The following NEO1 variants were observed in gnomAD, a reference collection of about 807,000 sequenced individuals.
NEO1 encodes neogenin.
NEO1 carries 63 observed loss-of-function variants against 159.7 expected under a neutral mutation model. The observed-to-expected ratio is 0.39, with a 90% CI of 0.32 to 0.49. NEO1 has a LOEUF of 0.49. Among genes scored for constraint, NEO1 ranks in the 20% least tolerant of loss-of-function variants. The pLI, the probability that NEO1 is intolerant of heterozygous loss-of-function variation, is 0.85. For synonymous variants in NEO1, 633 were observed against 662.0 expected (o/e 0.96, Z 0.67); for missense variants, 1,615 against 1,831.0 (o/e 0.88, Z 2.15).
intron 14 of NEO1, chr15:73,259,097 A>G: frequency 2.4e-6 from 1 of 424,728 alleles, no homozygotes; most frequent in South Asian, 4.3e-5. Context: ...AGCAAATAAA[A>G]ATGTGTATGT....
intron 5 of NEO1, among the ~76,000 whole-genome samples, chr15:73,166,712 C>G (rs1478614886): frequency 2.0e-5 from 3 of 152,160 alleles, no homozygotes; most frequent in Middle Eastern, 6.3e-3. Context: ...TGGGGATCAG[C>G]AGAAAAGAAT....
At chr15:73,198,984 A>G (rs981285854) in intron 7 of NEO1, among the ~76,000 whole-genome samples, 2 of 150,122 alleles carry the variant, frequency 1.3e-5, no homozygotes, top group Admixed American at 1.3e-4. Context: ...CAAAAGTTCA[A>G]ACTTTATTCA....
chr15:73,103,432 A>G (rs1026975054), intron 1 of NEO1, among the ~76,000 whole-genome samples: 2 of 152,028 alleles, frequency 1.3e-5, no homozygotes, highest in East Asian at 3.9e-4. Context: ...TGTTCCTTTG[A>G]CAGAGTGTCT....
In NEO1 at chr15:73,288,419, A is replaced by C; in HGVS notation, c.3517A>C (p.Lys1173Gln). ...LWIHHERLEL[K>Q]PIDKSPDPNP... ...GATCCATCATGAGAGACTGGAGCTG[A>C]AACCCATTGATAAGTCTCCAGACCC... is the stretch of plus-strand genomic sequence containing the variant. Residue 1173 changes from lysine (K) to glutamine (Q), a missense_variant, in exon 24 of 29, where the codon AAA becomes CAA. Lys to Gln is a moderately conservative substitution (Grantham distance 53, BLOSUM62 1). This residue lies in a region of NEO1 where 471 missense variants were observed against 498.9 expected (regional missense o/e 0.94). Transcript: ENST00000261908. 1 of 1,614,132 alleles carries C rather than the reference A, an allele frequency of 6.2e-7. No homozygotes were observed. Among genetic ancestry groups the C allele is most frequent in the Non-Finnish European group, 8.5e-7 (1 of 1,180,018 alleles).
intron 4 of NEO1, among the ~76,000 whole-genome samples, chr15:73,130,503 C>G (rs2030970446): frequency 6.6e-6 from 1 of 152,190 alleles, no homozygotes; most frequent in Admixed American, 6.5e-5. Flanking sequence ...TTAGACTGTA[C>G]TTTCTCCTAC....
chr15:73,227,663 C>T (rs2038668374), intron 7 of NEO1, among the ~76,000 whole-genome samples: 1 of 152,220 alleles, frequency 6.6e-6, no homozygotes, highest in South Asian at 2.1e-4. Context: ...GAGCGGACAG[C>T]AATGCTCACA....
At chr15:73,136,710 A>G (rs2031801286) in intron 5 of NEO1, among the ~76,000 whole-genome samples, 2 of 152,126 alleles carry the variant, frequency 1.3e-5, no homozygotes, top group African/African-American at 4.8e-5. Context: ...TTCAGACGTC[A>G]GAAAATAAAG....
chr15:73,283,873 A>G (rs2041833434), intron 23 of NEO1, among the ~76,000 whole-genome samples: 1 of 152,218 alleles, frequency 6.6e-6, no homozygotes, highest in Admixed American at 6.5e-5. Context: ...TAAGTTTAAG[A>G]ATATTTTTAA....
At chr15:73,149,730 TTAC>T (rs1362551168) in intron 5 of NEO1, among the ~76,000 whole-genome samples, 1 of 152,264 alleles carries the variant, frequency 6.6e-6, no homozygotes, top group Admixed American at 6.5e-5. Context: ...AATTTTTAAA[TTAC>T]TACATAATAT....
At chr15:73,052,841 G>A in intron 1 of NEO1, 36 bp downstream of exon 1, 3 of 457,052 alleles carry the variant, frequency 6.6e-6, no homozygotes, top group Non-Finnish European at 8.8e-6. Context: ...GTTCGCGGGG[G>A]CGCGGCACCG....
chr15:73,219,887 T>A (rs1307968655), intron 7 of NEO1, among the ~76,000 whole-genome samples: 1 of 151,412 alleles, frequency 6.6e-6, no homozygotes, highest in African/African-American at 2.4e-5. Context: ...AATTTGCCAG[T>A]CTGTGTCTTG....
In NEO1 at chr15:73,303,424, G is replaced by A. The variant is rs931494035; in HGVS notation, c.*728G>A. On this transcript the variant is annotated 3_prime_UTR_variant, in exon 29 of 29. Transcript: ENST00000261908. ...GTGAGATTACAGATCTATTTGAATT[G>A]AATGAAATGTAACATTGAAAAGACT... 4 of 145,816 alleles carry A rather than the reference G, an allele frequency of 2.7e-5. No homozygotes were observed. The highest frequency in any genetic ancestry group is 1.0e-4 in the African/African-American group (4 of 39,726). 9.0% of individuals were successfully genotyped at this position (145,816 alleles called of 1,614,324 possible). A position where few individuals can be genotyped will look rare whatever the true frequency, so the allele number is the denominator to read the frequency against.
intron 4 of NEO1, among the ~76,000 whole-genome samples, chr15:73,132,649 T>TA (rs1276463661): frequency 1.1e-4 from 16 of 152,090 alleles, no homozygotes; most frequent in African/African-American, 2.9e-4. Context: ...GACAAAGGAC[T>TA]AATATCCAGA....
At chr15:73,260,239 T>C in intron 14 of NEO1, 32 bp from the exon 15 acceptor site, 1 of 1,600,228 alleles carries the variant, frequency 6.2e-7, no homozygotes, top group South Asian at 1.1e-5. Flanking sequence ...GGACAGTATA[T>C]CTCATCTTGC....
chr15:73,173,364 C>T (rs2035089075), intron 5 of NEO1, among the ~76,000 whole-genome samples: 1 of 152,128 alleles, frequency 6.6e-6, no homozygotes, highest in African/African-American at 2.4e-5. Context: ...TTTTATGGTT[C>T]TGGCCCAGGA....
chr15:73,165,685 G>A (rs1157116239), intron 5 of NEO1, among the ~76,000 whole-genome samples: 1 of 152,194 alleles, frequency 6.6e-6, no homozygotes, highest in African/African-American at 2.4e-5. Context: ...AAAGGGTGAG[G>A]TTGGAACAAA....
rs756686829 is a variant in NEO1, at chr15:73,305,185, C to T, written c.*2489C>T. 2 of 152,002 alleles carry T rather than the reference C, an allele frequency of 1.3e-5. No homozygotes were observed. The highest frequency in any genetic ancestry group is 2.4e-5 in the African/African-American group (1 of 41,380). The allele number at this position is 152,002 out of a possible 1,614,324, so 9.4% of individuals were successfully genotyped here. ...TTTATTTAGTATTGGAAATCCAATA[C>T]ACTTTTTTAATCCAATCAAACTCTG... On this transcript the variant is annotated 3_prime_UTR_variant, in exon 29 of 29. Coordinates refer to ENST00000261908, the MANE Select transcript of NEO1 (RefSeq NM_002499.4).
At chr15:73,056,751 G>T (rs564022903) in intron 1 of NEO1, among the ~76,000 whole-genome samples, 1 of 151,992 alleles carries the variant, frequency 6.6e-6, no homozygotes, top group East Asian at 1.9e-4. Flanking sequence ...TTAGTTTCCA[G>T]ATCTTTTGTG....
rs930226016 is a variant in NEO1 at position 73,303,050 on chromosome 15, T to G, written c.*354T>G. The G allele has an allele frequency of 5.4e-6, 1 of 186,818 alleles. No individual in the cohort carries two copies. Among genetic ancestry groups the G allele is most frequent in the Admixed American group, 5.6e-5 (1 of 17,818 alleles). The allele number at this position is 186,818 out of a possible 1,614,324, so 11.6% of individuals were successfully genotyped here. ...CTGTGACTGCATCACCTTTATGGAG[T>G]GTAGACATTGGCATTTATGTACAAT... On this transcript the variant is annotated 3_prime_UTR_variant, in exon 29 of 29. Transcript: ENST00000261908.
Sources: gnomAD v4.1 joint callset for allele counts (sites outside exome capture counted in the v4.1 genomes callset) on GRCh38, gnomAD v4.1.1 for gene constraint, gnomAD v4.1.1 regional missense constraint, MANE v1.5 for transcripts, NCBI Gene and HGNC (gene_info 2026-07-23, HGNC 2026-07-21) for gene names.